Variants in NTN1 observed in about 807,000 individuals in gnomAD.
NTN1 encodes netrin 1, also known as netrin-1.
A neutral mutation model predicts 54.2 loss-of-function variants in NTN1; 11 were observed. That is an observed-to-expected ratio of 0.20 (90% CI 0.13 to 0.34). The LOEUF (loss-of-function observed/expected upper bound fraction) is 0.34. Ranked by LOEUF, NTN1 falls within the 10% of genes least tolerant of loss-of-function variation. NTN1 has a pLI of 1.00. For missense variants in NTN1, 740 were observed against 893.1 expected (o/e 0.83, Z 2.18); for synonymous variants, 371 against 382.0 (o/e 0.97, Z 0.33).
intron 2 of NTN1, among the ~76,000 whole-genome samples, chr17:9,141,156 TG>T (rs953780180): frequency 1.3e-5 from 2 of 151,518 alleles, no homozygotes; most frequent in African/African-American, 4.8e-5. Flanking sequence ...AAAGAAGATG[TG>T]GGGACTAGAG....
chr17:9,097,093 G>A (rs1040562172), intron 2 of NTN1, among the ~76,000 whole-genome samples: 10 of 151,774 alleles, frequency 6.6e-5, no homozygotes, highest in Admixed American at 1.3e-4. Flanking sequence ...GTCTATTGTC[G>A]GTAATTTCTG....
At chr17:9,128,555 C>T (rs1439082939) in intron 2 of NTN1, among the ~76,000 whole-genome samples, 4 of 152,208 alleles carry the variant, frequency 2.6e-5, no homozygotes, top group Non-Finnish European at 4.4e-5. Context: ...TCTTCTCCAG[C>T]GTGCCCCATT....
At position 9,241,273 on chromosome 17, in the gene NTN1, G is replaced by C. The variant is rs1906204116; in HGVS notation, c.*1305G>C. On this transcript the variant is annotated 3_prime_UTR_variant, in exon 7 of 7. Transcript: ENST00000173229. ...TGCCCCCTACAGCTGTCTTGGGTCTGGCCTGGGCCACACCTTGACCGTGCC... is the reference window on the plus strand; with the variant it reads ...TGCCCCCTACAGCTGTCTTGGGTCTCGCCTGGGCCACACCTTGACCGTGCC... 2 of 152,440 alleles carry C rather than the reference G, an allele frequency of 1.3e-5. No homozygotes were observed. Among genetic ancestry groups the C allele is most frequent in the Non-Finnish European group, 2.9e-5 (2 of 68,194 alleles). 9.4% of individuals were successfully genotyped at this position (152,440 alleles called of 1,614,324 possible).
At chr17:9,227,478 A>G (rs1030941629) in intron 6 of NTN1, among the ~76,000 whole-genome samples, 30 of 135,300 alleles carry the variant, frequency 2.2e-4, no homozygotes, top group African/African-American at 8.2e-4. Flanking sequence ...AGTCACACAC[A>G]TAGCACACAC....
At chr17:9,022,191 G>T in intron 1 of NTN1, 120 bp from the exon 2 acceptor site, 1 of 648,440 alleles carries the variant, frequency 1.5e-6, no homozygotes, top group Non-Finnish European at 2.2e-6. Flanking sequence ...GAGGCGGGCA[G>T]TCGGCTGCGG....
At position 9,243,357 on chromosome 17, in the gene NTN1, G is replaced by T. The variant is rs1906287334; in HGVS notation, c.*3389G>T. 1.3e-5 allele frequency: 2 copies of T among 152,184 alleles called. No individual in the cohort carries two copies. The highest frequency in any genetic ancestry group is 2.1e-4 in the South Asian group (1 of 4,838). The allele number at this position is 152,184 out of a possible 1,614,324, so 9.4% of individuals were successfully genotyped here. A position where few individuals can be genotyped will look rare whatever the true frequency, so the allele number is the denominator to read the frequency against. ...CTCAGTCGCGGCATGCTGGAGAGGG[G>T]TACGGACTTACTTTCTTGGAGTTGT... On this transcript the variant is annotated 3_prime_UTR_variant, in exon 7 of 7. Coordinates refer to ENST00000173229, the MANE Select transcript of NTN1 (RefSeq NM_004822.3).
In NTN1 at chr17:9,240,726, T is replaced by TGTCTCTGCCCCTGCCC. The variant is rs1906183995; in HGVS notation, c.*759_*774dup. 1.4e-5 allele frequency: 2 copies of TGTCTCTGCCCCTGCCC among 139,818 alleles called. No homozygotes were observed. Among genetic ancestry groups the TGTCTCTGCCCCTGCCC allele is most frequent in the Non-Finnish European group, 2.9e-5 (2 of 67,842 alleles). The allele number at this position is 139,818 out of a possible 1,614,324, so 8.7% of individuals were successfully genotyped here. On this transcript the variant is annotated 3_prime_UTR_variant, in exon 7 of 7. Coordinates refer to ENST00000173229, the MANE Select transcript of NTN1 (RefSeq NM_004822.3). Reference sequence around the variant, plus strand: ...AGGAGAGGAAGCCCCTGCTGCTGCCTGTCTCTGCCCCTGCCCCTGCCCCTG... The same window carrying TGTCTCTGCCCCTGCCC: ...AGGAGAGGAAGCCCCTGCTGCTGCCTGTCTCTGCCCCTGCCCGTCTCTGCCCCTGCCCCTGCCCCTG...
intron 2 of NTN1, among the ~76,000 whole-genome samples, chr17:9,026,744 G>C (rs920175951): frequency 6.6e-6 from 1 of 151,376 alleles, no homozygotes; most frequent in Non-Finnish European, 1.5e-5. Flanking sequence ...TCCCCCTGAC[G>C]TCGGAGCTGT....
chr17:9,072,481 C>G (rs148863897), intron 2 of NTN1, among the ~76,000 whole-genome samples: 14 of 152,098 alleles, frequency 9.2e-5, no homozygotes, highest in African/African-American at 3.1e-4. Flanking sequence ...GCCCAAAAAG[C>G]TTTGAGAGGT....
At chr17:9,016,549 C>G (rs2091832458), upstream of NTN1, among the ~76,000 whole-genome samples, 1 of 152,198 alleles carries the variant, frequency 6.6e-6, no homozygotes, top group South Asian at 2.1e-4. Flanking sequence ...TTAGGGGCAA[C>G]TAGGCAACTA....
intron 2 of NTN1, among the ~76,000 whole-genome samples, chr17:9,097,891 A>C (rs2092137141): frequency 6.6e-6 from 1 of 152,164 alleles, no homozygotes; most frequent in South Asian, 2.1e-4. Context: ...TGCAGTGAAC[A>C]TCCATGTAAA....
chr17:9,202,602 G>A (rs1383737856), intron 5 of NTN1, among the ~76,000 whole-genome samples: 4 of 152,152 alleles, frequency 2.6e-5, no homozygotes, highest in African/African-American at 7.2e-5. Context: ...GTTGTGGGTT[G>A]AGTGGTTCCC....
At chr17:9,155,621 G>A (rs763650602) in intron 2 of NTN1, among the ~76,000 whole-genome samples, 17 of 151,784 alleles carry the variant, frequency 1.1e-4, no homozygotes, top group South Asian at 4.2e-4. Context: ...GATTACAGGC[G>A]TGAGCCACTG....
chr17:9,118,633 C>T (rs77569856), intron 2 of NTN1, among the ~76,000 whole-genome samples: 9,497 of 152,258 alleles, frequency 0.062, 419 homozygotes, highest in Non-Finnish European at 0.095. Context: ...AGCACTCAGT[C>T]CCCATTTCCT....
intron 2 of NTN1, among the ~76,000 whole-genome samples, chr17:9,051,853 T>C (rs529643749): frequency 1.5e-4 from 23 of 152,308 alleles, no homozygotes; most frequent in African/African-American, 5.3e-4. Context: ...CCCCGCTTAA[T>C]TGATTATTTT....
At chr17:9,191,236 G>A (rs551171749) in intron 5 of NTN1, among the ~76,000 whole-genome samples, 86 of 152,248 alleles carry the variant, frequency 5.6e-4, no homozygotes, top group African/African-American at 1.8e-3. Flanking sequence ...CGAGGCAGGC[G>A]GATCATCTGA....
intron 2 of NTN1, among the ~76,000 whole-genome samples, chr17:9,113,034 A>AT (rs1482512910): frequency 8.8e-5 from 13 of 147,492 alleles, no homozygotes; most frequent in Middle Eastern, 3.5e-3. Flanking sequence ...TTTTATTTTT[A>AT]TTTTTTTGAG....
chr17:9,183,332 G>C, intron 5 of NTN1: 1 of 531,450 alleles, frequency 1.9e-6, no homozygotes. Context: ...AGATGCTGGG[G>C]ATACAGAAGG....
chr17:9,041,908 C>G (rs1318020865), intron 2 of NTN1, among the ~76,000 whole-genome samples: 1 of 151,736 alleles, frequency 6.6e-6, no homozygotes, highest in African/African-American at 2.4e-5. Flanking sequence ...ACTCGGGAGG[C>G]TGAGGCATGA....
Sources: gnomAD v4.1 joint callset for allele counts (sites outside exome capture counted in the v4.1 genomes callset) on GRCh38, gnomAD v4.1.1 for gene constraint, MANE v1.5 for transcripts, NCBI Gene and HGNC (gene_info 2026-07-23, HGNC 2026-07-21) for gene names.